Variants in GSDMD observed in about 807,000 individuals in gnomAD.
The protein encoded by GSDMD is gasdermin-D.
Under a neutral mutation model 46.7 loss-of-function variants are expected in GSDMD, and 46 were observed. The ratio of observed to expected loss-of-function variants is 0.99; its 90% CI spans 0.78 to 1.26. GSDMD has a LOEUF of 1.26. Among genes scored for constraint, GSDMD ranks in the 50% most tolerant of loss-of-function variants. The pLI is 0.00. For synonymous variants in GSDMD, 307 were observed against 283.1 expected, an observed-to-expected ratio of 1.08 and a Z score of -0.85; for missense variants, 649 against 638.8, an observed-to-expected ratio of 1.02 and a Z score of -0.17.
chr8:143,554,659 TAC>T (rs1233502206), upstream of GSDMD, among the ~76,000 whole-genome samples: 2 of 142,934 alleles, frequency 1.4e-5, no homozygotes, highest in African/African-American at 5.3e-5. Flanking sequence ...CACACGTGCA[TAC>T]ACACGTGCAC....
At chr8:143,554,735 TAC>T (rs1217383731), upstream of GSDMD, among the ~76,000 whole-genome samples, 5 of 130,756 alleles carry the variant, frequency 3.8e-5, no homozygotes, top group East Asian at 4.7e-4. Context: ...CCCACGTGCA[TAC>T]ACACACACCT....
chr8:143,557,487 CGGATGCTGCCACTATGGCGAA>C (rs1180696763), upstream of GSDMD, among the ~76,000 whole-genome samples: 1 of 127,604 alleles, frequency 7.8e-6, no homozygotes, highest in African/African-American at 3.0e-5. Flanking sequence ...GCTGTGACGA[CGGATGCTGCCACTATGGCGAA>C]GGATGCTGCC....
chr8:143,559,640 AG>A, intron 2 of GSDMD, 88 bp downstream of exon 2: 3 of 1,452,130 alleles, frequency 2.1e-6, no homozygotes, highest in Middle Eastern at 3.6e-4. Flanking sequence ...TGGGCTCTGC[AG>A]CCTCTAGCTC....
At chr8:143,556,882 C>T (rs892104479), upstream of GSDMD, among the ~76,000 whole-genome samples, 1 of 152,256 alleles carries the variant, frequency 6.6e-6, no homozygotes, top group Non-Finnish European at 1.5e-5. Flanking sequence ...ACAATTCATC[C>T]ATTTAAAGTG....
rs750513797 is a variant in GSDMD at position 143,560,026 on chromosome 8, TTTTA to T, written c.410+74_410+77del. The T allele has an allele frequency of 6.9e-5, 89 of 1,284,864 alleles. 1 individual carries two copies. The South Asian group carries it at 9.1e-4, about 13-fold the overall frequency. 79.6% of individuals were successfully genotyped at this position (1,284,864 alleles called of 1,614,324 possible). The stretch of plus-strand genomic sequence containing the variant: ...CCCCACCTACCCCAAGCAACCCTGC[TTTTA>T]TTTATTTATTTATTTAAATTATTTT... On this transcript the variant is annotated intron_variant, in intron 3 of 10. Transcript: ENST00000262580.
chr8:143,561,500 A>C, intron 6 of GSDMD, 77 bp downstream of exon 6: 3 of 1,434,130 alleles, frequency 2.1e-6, no homozygotes, highest in Non-Finnish European at 2.9e-6. Flanking sequence ...CCTTCTCCTC[A>C]TGTTCTCAGG....
upstream of GSDMD, among the ~76,000 whole-genome samples, chr8:143,554,306 T>C (rs920247917): frequency 2.3e-4 from 35 of 152,238 alleles, no homozygotes; most frequent in African/African-American, 8.2e-4. Flanking sequence ...CGGGAGCACA[T>C]TGGGCAAATG....
chr8:143,555,104 C>G (rs1823277694), upstream of GSDMD: 1 of 152,282 alleles, frequency 6.6e-6, no homozygotes, highest in Non-Finnish European at 1.5e-5. Context: ...CCAGAAATCC[C>G]CTTCAGCATA....
chr8:143,558,182 T>C (rs903425197), upstream of GSDMD: 198 of 775,134 alleles, frequency 2.6e-4, no homozygotes, highest in Middle Eastern at 2.7e-3. Context: ...CAAAGTGCTA[T>C]GAAGTTTGAG....
upstream of GSDMD, among the ~76,000 whole-genome samples, chr8:143,556,692 C>A (rs1307155738): frequency 6.6e-6 from 1 of 150,744 alleles, no homozygotes; most frequent in African/African-American, 2.4e-5. Context: ...CGCGGAGCGG[C>A]TGGGAGGGCC....
At chr8:143,559,574 C>T in intron 2 of GSDMD, 22 bp downstream of exon 2, 1 of 1,604,482 alleles carries the variant, frequency 6.2e-7, no homozygotes, top group Non-Finnish European at 8.5e-7. Flanking sequence ...GGTGCTGAGG[C>T]AGAGCCCCAG....
intron 3 of GSDMD, chr8:143,560,390 C>A: frequency 1.6e-6 from 1 of 635,078 alleles, no homozygotes; most frequent in Non-Finnish European, 2.8e-6. Flanking sequence ...GGGGGCCGCA[C>A]CTCGAGTCTG....
rs570910487 is a variant in GSDMD at position 143,559,847 on chromosome 8, G to A, written c.288G>A (p.Leu96=). 17 of 1,612,666 alleles carry A rather than the reference G, an allele frequency of 1.1e-5. No individual in the cohort carries two copies. Among genetic ancestry groups the A allele is most frequent in the African/African-American group, 2.7e-5 (2 of 75,048 alleles). ...MDGQIQGSVE[L]AAPGQAKIAG... ...GGCAGATACAGGGCAGCGTGGAGCT[G>A]GCAGCCCCAGGACAGGCAAAGATCG... Residue 96 remains leucine, a synonymous_variant, in exon 3 of 11, where the codon CTG becomes CTA. Coordinates refer to ENST00000262580, the MANE Select transcript of GSDMD (RefSeq NM_024736.7).
chr8:143,559,296 C>CCA, intron 1 of GSDMD, 36 bp from the exon 2 acceptor site: 3 of 1,052,398 alleles, frequency 2.9e-6, no homozygotes, highest in South Asian at 1.4e-5. Flanking sequence ...CCGCCCGCCC[C>CCA]GAGAGCACAA....
At chr8:143,558,481 C>T (rs913020724) in intron 1 of GSDMD, 30 bp downstream of exon 1, 2 of 1,445,314 alleles carry the variant, frequency 1.4e-6, no homozygotes, top group Non-Finnish European at 1.8e-6. Context: ...CTCCCCCGGC[C>T]TGGCTGGAGC....
At position 143,561,799 on chromosome 8, in the gene GSDMD, T is replaced by C; in HGVS notation, c.794T>C (p.Met265Thr). 6.2e-7 allele frequency: 1 copy of C among 1,610,904 alleles called. No homozygotes were observed. Among genetic ancestry groups the C allele is most frequent in the Non-Finnish European group, 8.5e-7 (1 of 1,178,988 alleles). Residue 265 changes from methionine to threonine, a missense_variant, in exon 7 of 11, where the codon ATG (methionine) becomes ACG (threonine). By Grantham distance (81) the Met-to-Thr change is moderately conservative. Coordinates refer to ENST00000262580, the MANE Select transcript of GSDMD (RefSeq NM_024736.7). The stretch of plus-strand genomic sequence containing the variant: ...CCACAGCTGCCCTCTGGCCTCTCCA[T>C]GATGAGGTGCCTCCACAACTTCCTG... ...AWPQLPSGLS[M>T]MRCLHNFLTD...
Position 143,562,010 on chromosome 8 carries a change from C to A in GSDMD, c.875C>A (p.Ala292Glu). 2 of 1,604,900 alleles carry A rather than the reference C, an allele frequency of 1.2e-6. No individual in the cohort carries two copies. The highest frequency in any genetic ancestry group is 1.7e-5 in the Admixed American group (1 of 59,638). ...AFTEDFQGLRAEVETISKELE... is the reference protein window; with the variant it reads ...AFTEDFQGLREEVETISKELE... ...ACTGAAGACTTCCAGGGCCTACGGGCAGAGGTGGAGACCATCTCCAAGGAA... is the reference window on the plus strand; with the variant it reads ...ACTGAAGACTTCCAGGGCCTACGGGAAGAGGTGGAGACCATCTCCAAGGAA... The change falls in exon 8 of 11, where the codon GCA (alanine) becomes GAA (glutamate). Residue 292 changes from alanine to glutamate, a missense_variant. Ala to Glu is a moderately radical substitution (Grantham distance 107). Transcript: ENST00000262580.
upstream of GSDMD, among the ~76,000 whole-genome samples, chr8:143,555,399 G>A (rs538252925): frequency 9.5e-4 from 145 of 152,356 alleles, no homozygotes; most frequent in African/African-American, 3.4e-3. Context: ...GACACCTCCA[G>A]CTGGGCTCAG....
At position 143,561,055 on chromosome 8, in the gene GSDMD, C is replaced by T. The variant is rs1424855067; in HGVS notation, c.633C>T (p.Gly211=). The T allele has an allele frequency of 1.2e-6, 2 of 1,613,064 alleles. No homozygotes were observed. Among genetic ancestry groups the T allele is most frequent in the Non-Finnish European group, 1.7e-6 (2 of 1,179,986 alleles). ...SQKKTVTIPS[G]STLAFRVAQL... The stretch of plus-strand genomic sequence containing the variant: ...AGAAGACGGTCACCATCCCCTCAGG[C>T]AGCACCCTCGCATTCCGGGTGGCCC... The change falls in exon 5 of 11, where the codon GGC becomes GGT. Residue 211 remains glycine (G), a synonymous_variant. Transcript: ENST00000262580.
Sources: allele counts gnomAD v4.1 joint callset (sites outside exome capture counted in the v4.1 genomes callset), GRCh38; gene constraint gnomAD v4.1.1; transcripts MANE v1.5; gene names NCBI Gene and HGNC (gene_info 2026-07-23, HGNC 2026-07-21).